PCDHA12: variants seen among roughly 807,000 people sequenced by gnomAD.
PCDHA12 encodes protocadherin alpha 12, also known as protocadherin alpha-12.
In PCDHA12, 44 loss-of-function variants were observed where a neutral mutation model predicts 60.0. The observed-to-expected ratio is 0.73, with a 90% CI of 0.58 to 0.94. PCDHA12 has a LOEUF of 0.94. PCDHA12 is among the 40% of genes least tolerant of loss of function. The pLI, the probability that PCDHA12 is intolerant of heterozygous loss-of-function variation, is 0.00. For synonymous variants in PCDHA12, 569 were observed against 553.0 expected, an observed-to-expected ratio of 1.03 and a Z score of -0.40; for missense variants, 1,276 against 1,239.7, an observed-to-expected ratio of 1.03 and a Z score of -0.44.
chr5:140,876,738 G>C lies in PCDHA12; in HGVS notation c.1266G>C (p.Glu422Asp). The change falls in exon 1 of 4, where the codon GAG (glutamate) becomes GAC (aspartate). Residue 422 changes from glutamate to aspartate, a missense_variant. Transcript: ENST00000398631. ...ALDRESVSAYELVVTARDGGS... is the reference protein window; with the variant it reads ...ALDRESVSAYDLVVTARDGGS... ...ACCGCGAGAGCGTGTCGGCCTATGA[G>C]CTGGTGGTGACTGCGCGGGATGGGG... The C allele has an allele frequency of 1.2e-6, 2 of 1,614,264 alleles. No individual in the cohort carries two copies. Among genetic ancestry groups the C allele is most frequent in the Non-Finnish European group, 1.7e-6 (2 of 1,180,044 alleles).
In PCDHA12 at chr5:140,877,798, CT is replaced by C. The variant is rs782663782; in HGVS notation, c.2328del (p.Gln777SerfsTer8). 6.2e-7 allele frequency: 1 copy of C among 1,613,568 alleles called. No individual in the cohort carries two copies. Among genetic ancestry groups the C allele is most frequent in the Non-Finnish European group, 8.5e-7 (1 of 1,179,776 alleles). On this transcript the variant is annotated frameshift_variant, in exon 1 of 4. Transcript: ENST00000398631. LOFTEE classifies it high-confidence loss of function. The stretch of plus-strand genomic sequence containing the variant: ...GGACCTCATGGCCTTCAGCCCAAGC[CT>C]TCAGCTGTCTCGAGAAGATTGTTTA... ...KTDLMAFSPS[L>X]QLSREDCLNP...
At chr5:140,989,565 G>A (rs782538666) in intron 3 of PCDHA12, among the ~76,000 whole-genome samples, 12 of 152,134 alleles carry the variant, frequency 7.9e-5, no homozygotes, top group South Asian at 4.1e-4. Context: ...TTGTGGCTCC[G>A]GCAAGCCCTG....
intron 1 of PCDHA12, among the ~76,000 whole-genome samples, chr5:140,941,250 T>TCCTTCCTTC (rs1441496906): frequency 7.2e-6 from 1 of 139,474 alleles, no homozygotes; most frequent in East Asian, 2.1e-4. Context: ...TTTCTTTCTT[T>TCCTTCCTTC]CTTTCTCTTT....
intron 1 of PCDHA12, among the ~76,000 whole-genome samples, chr5:140,947,307 T>C (rs1329729103): frequency 6.6e-6 from 1 of 151,660 alleles, no homozygotes; most frequent in African/African-American, 2.4e-5. Context: ...GACATCTTTG[T>C]AAAAAGTCGG....
At chr5:140,927,575 A>G (rs782237037) in intron 1 of PCDHA12, 1 of 1,614,202 alleles carries the variant, frequency 6.2e-7, no homozygotes, top group South Asian at 1.1e-5. Context: ...GACACAAATG[A>G]CAACGCGCCT....
chr5:140,957,883 A>C (rs1413437105), intron 1 of PCDHA12, among the ~76,000 whole-genome samples: 1 of 152,098 alleles, frequency 6.6e-6, no homozygotes. Flanking sequence ...TGAAAAGCTG[A>C]AGTTGGCATC....
intron 3 of PCDHA12, among the ~76,000 whole-genome samples, chr5:140,984,430 A>T (rs1236503699): frequency 6.6e-6 from 1 of 152,080 alleles, no homozygotes; most frequent in East Asian, 1.9e-4. Flanking sequence ...AGAGAAGGGG[A>T]TCTCCCTTGT....
chr5:140,913,099 C>T (rs1413383908), intron 1 of PCDHA12, among the ~76,000 whole-genome samples: 4 of 152,132 alleles, frequency 2.6e-5, no homozygotes, highest in Non-Finnish European at 4.4e-5. Context: ...ATACTGGCCT[C>T]ATAGAATCAG....
intron 1 of PCDHA12, chr5:140,882,524 G>C (rs1340644606): frequency 9.9e-6 from 16 of 1,614,090 alleles, no homozygotes; most frequent in African/African-American, 2.7e-5. Context: ...CATTTTGTTT[G>C]TGAATTCTCG....
intron 3 of PCDHA12, among the ~76,000 whole-genome samples, chr5:140,993,629 T>G (rs1359195159): frequency 5.9e-5 from 9 of 152,160 alleles, no homozygotes; most frequent in Non-Finnish European, 1.0e-4. Flanking sequence ...CTATATATAG[T>G]CGTGTACCAA....
chr5:140,927,838 G>C, intron 1 of PCDHA12: 1 of 1,614,210 alleles, frequency 6.2e-7, no homozygotes, highest in Non-Finnish European at 8.5e-7. Context: ...GAGGGACGAA[G>C]GTGTCTTTGG....
At chr5:140,901,583 T>A (rs530803677) in intron 1 of PCDHA12, among the ~76,000 whole-genome samples, 6 of 152,222 alleles carry the variant, frequency 3.9e-5, no homozygotes, top group Non-Finnish European at 8.8e-5. Flanking sequence ...GCCAGTGCCA[T>A]GATGTTTTGG....
intron 1 of PCDHA12, among the ~76,000 whole-genome samples, chr5:140,900,537 A>G (rs2068113323): frequency 6.6e-6 from 1 of 152,204 alleles, no homozygotes; most frequent in African/African-American, 2.4e-5. Context: ...TCGGCTTTCC[A>G]AAGTGCTGGG....
chr5:140,875,651 T>A lies in PCDHA12; in HGVS notation c.179T>A (p.Val60Glu), dbSNP rs782085221. The A allele has an allele frequency of 5.1e-5, 83 of 1,613,604 alleles. 1 individual carries two copies. The South Asian group carries it at 8.5e-4, about 16-fold the overall frequency. The change falls in exon 1 of 4, where the codon GTG (valine) becomes GAG (glutamate). Residue 60 changes from valine to glutamate, a missense_variant. Coordinates refer to ENST00000398631, the MANE Select transcript of PCDHA12 (RefSeq NM_018903.4). Reference protein sequence around the residue: ...QDLGLELAELVPRLFRVASKR... With the variant: ...QDLGLELAELEPRLFRVASKR... Reference sequence around the variant, plus strand: ...CTGGGGCTGGAGCTGGCGGAGCTGGTGCCGCGCCTGTTCCGGGTGGCGTCC... The same window carrying A: ...CTGGGGCTGGAGCTGGCGGAGCTGGAGCCGCGCCTGTTCCGGGTGGCGTCC...
At chr5:140,991,792 T>A (rs541458701) in intron 3 of PCDHA12, among the ~76,000 whole-genome samples, 4 of 152,282 alleles carry the variant, frequency 2.6e-5, no homozygotes, top group Non-Finnish European at 5.9e-5. Context: ...CATTTCCCAA[T>A]CTCAAGGCCA....
At position 140,931,440 on chromosome 5, in the gene PCDHA12, A is replaced by C. The variant is rs539915059; in HGVS notation, c.2368-47509A>C. Among the ~76,000 whole-genome samples the C allele has an allele frequency of 2.1e-5, 3 of 141,482 alleles. No individual in the cohort carries two copies. In the South Asian group the frequency reaches 6.9e-4, roughly 32 times the overall value. 92.8% of individuals were successfully genotyped at this position (141,482 alleles called of 152,430 possible). A position where few individuals can be genotyped will look rare whatever the true frequency, so the allele number is the denominator to read the frequency against. ...CTAGAAGTTAGAAGGAAAATTAGCT[A>C]TTTAAAAGGAAAAATATAGGAATGA... On this transcript the variant is annotated intron_variant, in intron 1 of 3. Transcript: ENST00000398631.
chr5:140,917,874 C>T (rs1240832097), intron 1 of PCDHA12, among the ~76,000 whole-genome samples: 2 of 151,008 alleles, frequency 1.3e-5, no homozygotes, highest in African/African-American at 4.9e-5. Context: ...ACTATTTGGG[C>T]TCTTTTTTTT....
chr5:140,882,070 CA>C, intron 1 of PCDHA12: 1 of 854,288 alleles, frequency 1.2e-6, no homozygotes, highest in Non-Finnish European at 1.8e-6. Flanking sequence ...CGTTCATGCG[CA>C]TGGTGTCGCT....
At chr5:140,945,001 G>A (rs2093722890) in intron 1 of PCDHA12, among the ~76,000 whole-genome samples, 1 of 151,990 alleles carries the variant, frequency 6.6e-6, no homozygotes, top group African/African-American at 2.4e-5. Context: ...ACGGTTGTGG[G>A]TCATGAATTA....
Sources: gnomAD v4.1 joint callset for allele counts (sites outside exome capture counted in the v4.1 genomes callset) on GRCh38, gnomAD v4.1.1 for gene constraint, MANE v1.5 for transcripts, NCBI Gene and HGNC (gene_info 2026-07-23, HGNC 2026-07-21) for gene names.